The following ITPRID1 variants were observed in gnomAD, a reference collection of about 807,000 sequenced individuals.
ITPRID1 encodes protein ITPRID1.
Under a neutral mutation model 95.4 loss-of-function variants are expected in ITPRID1, and 96 were observed. The ratio of observed to expected loss-of-function variants is 1.01; its 90% CI spans 0.85 to 1.19. The LOEUF (loss-of-function observed/expected upper bound fraction) is 1.19, where lower values mean the gene tolerates loss of function less well. Ranked by LOEUF, ITPRID1 falls within the 50% of genes most tolerant of loss-of-function variation. The pLI, the probability that ITPRID1 is intolerant of heterozygous loss-of-function variation, is 0.00. For missense variants in ITPRID1, 1,339 were observed against 1,252.9 expected, an observed-to-expected ratio of 1.07 and a Z score of -1.04; for synonymous variants, 510 against 453.6, an observed-to-expected ratio of 1.12 and a Z score of -1.58.
downstream of ITPRID1, chr7:31,656,596 G>C: frequency 1.9e-3 from 845 of 450,846 alleles, no homozygotes; most frequent in Non-Finnish European, 2.3e-3. Flanking sequence ...ATGAGATGAG[G>C]ATAAATTATC....
intron 5 of ITPRID1, among the ~76,000 whole-genome samples, chr7:31,568,101 G>C (rs1023395096): frequency 4.0e-5 from 6 of 149,754 alleles, no homozygotes; most frequent in African/African-American, 1.5e-4. Flanking sequence ...ACTCCAGGCT[G>C]GGTGACAGAG....
chr7:31,640,342 G>A (rs1039701978), intron 10 of ITPRID1, among the ~76,000 whole-genome samples: 7 of 152,134 alleles, frequency 4.6e-5, no homozygotes, highest in Non-Finnish European at 7.3e-5. Context: ...TCACATGCAT[G>A]AGCTCATCAG....
chr7:31,642,428 G>T (rs1046699560), intron 11 of ITPRID1, among the ~76,000 whole-genome samples, 170 bp downstream of exon 11: 2 of 152,162 alleles, frequency 1.3e-5, no homozygotes, highest in African/African-American at 4.8e-5. Flanking sequence ...GCACCCAAGG[G>T]GCAGAGGATG....
In ITPRID1 at chr7:31,595,345, T is replaced by TACACACAC. The variant is rs58632355; in HGVS notation, c.1228+12175_1228+12182dup. Among the ~76,000 whole-genome samples the TACACACAC allele has an allele frequency of 7.7e-4, 114 of 147,148 alleles. 2 individuals carry two copies. Among genetic ancestry groups the TACACACAC allele is most frequent in the Admixed American group, 3.8e-3 (56 of 14,768 alleles). On this transcript the variant is annotated intron_variant, in intron 10 of 14. Coordinates refer to ENST00000615280, the MANE Select transcript of ITPRID1 (RefSeq NM_001257967.3). ...CAGGTGTGAGCCACCATGCCCGGCC[T>TACACACAC]ACACACACACACACACACACACACA...
intron 10 of ITPRID1, among the ~76,000 whole-genome samples, chr7:31,611,825 T>G (rs910511956): frequency 6.6e-6 from 1 of 151,988 alleles, no homozygotes; most frequent in Non-Finnish European, 1.5e-5. Context: ...TGTGTCTGAG[T>G]GTGTATTTCT....
At chr7:31,650,438 A>T (rs1790846592) in intron 12 of ITPRID1, among the ~76,000 whole-genome samples, 1 of 152,146 alleles carries the variant, frequency 6.6e-6, no homozygotes, top group African/African-American at 2.4e-5. Context: ...AAATGAGAAA[A>T]CCAAGGCAAA....
At chr7:31,647,673 C>CAAAAAAA (rs11345351) in intron 12 of ITPRID1, among the ~76,000 whole-genome samples, 1 of 69,340 alleles carries the variant, frequency 1.4e-5, no homozygotes, top group East Asian at 4.8e-4. Context: ...GTCTCCGTCT[C>CAAAAAAA]AAAAAAAAAA....
downstream of ITPRID1, among the ~76,000 whole-genome samples, chr7:31,657,135 TA>T (rs1791343790): frequency 6.7e-6 from 1 of 149,280 alleles, no homozygotes; most frequent in South Asian, 2.1e-4. Flanking sequence ...ATCAAATATA[TA>T]TAATCATATA....
intron 8 of ITPRID1, among the ~76,000 whole-genome samples, chr7:31,575,860 T>C (rs1013405322): frequency 1.3e-5 from 2 of 148,810 alleles, no homozygotes; most frequent in African/African-American, 5.0e-5. Context: ...GTAGGTAAAA[T>C]GGGTCTCAAA....
intron 1 of ITPRID1, among the ~76,000 whole-genome samples, chr7:31,547,967 G>A (rs1430142403): frequency 1.3e-5 from 2 of 152,116 alleles, no homozygotes; most frequent in Non-Finnish European, 2.9e-5. Context: ...AACTAAGGTA[G>A]GAGTTGGAGA....
At chr7:31,538,853 A>G (rs1783842457) in intron 1 of ITPRID1, among the ~76,000 whole-genome samples, 1 of 152,202 alleles carries the variant, frequency 6.6e-6, no homozygotes, top group Non-Finnish European at 1.5e-5. Flanking sequence ...TCTTGAAGAA[A>G]CATTTTGAGG....
downstream of ITPRID1, chr7:31,658,292 TG>T: frequency 6.7e-7 from 1 of 1,502,112 alleles, no homozygotes; most frequent in South Asian, 1.3e-5. Context: ...TCTGCAGAGC[TG>T]GATCCCTTTT....
At chr7:31,621,729 A>T (rs1198035327) in intron 10 of ITPRID1, among the ~76,000 whole-genome samples, 1 of 146,998 alleles carries the variant, frequency 6.8e-6, no homozygotes, top group Non-Finnish European at 1.5e-5. Context: ...TAACATCATA[A>T]TGACAGGATC....
chr7:31,654,376 C>T lies in ITPRID1; in HGVS notation c.*1547C>T, dbSNP rs527907415. ...AGGGAGGGGAAGGCTGAGAGGGGATCGGTCAGACTATAGGCCATGACCAAG... is the reference window on the plus strand; with the variant it reads ...AGGGAGGGGAAGGCTGAGAGGGGATTGGTCAGACTATAGGCCATGACCAAG... On this transcript the variant is annotated 3_prime_UTR_variant, in exon 15 of 15. Coordinates refer to ENST00000615280, the MANE Select transcript of ITPRID1 (RefSeq NM_001257967.3). Among the ~76,000 whole-genome samples the T allele has an allele frequency of 2.6e-5, 4 of 152,264 alleles. No individual in the cohort carries two copies. The South Asian group carries it at 6.2e-4, about 24-fold the overall frequency.
intron 10 of ITPRID1, among the ~76,000 whole-genome samples, chr7:31,618,647 A>G (rs900862742): frequency 7.1e-6 from 1 of 140,278 alleles, no homozygotes; most frequent in African/African-American, 3.2e-5. Context: ...GTCACAATGT[A>G]GAAACCCATA....
At chr7:31,627,245 A>G (rs972259750) in intron 10 of ITPRID1, among the ~76,000 whole-genome samples, 2 of 152,248 alleles carry the variant, frequency 1.3e-5, no homozygotes, top group Non-Finnish European at 2.9e-5. Flanking sequence ...TGAATAAGTG[A>G]GACTACATCA....
At chr7:31,583,858 C>T (rs1422764077) in intron 10 of ITPRID1, among the ~76,000 whole-genome samples, 2 of 152,136 alleles carry the variant, frequency 1.3e-5, no homozygotes, top group East Asian at 3.9e-4. Context: ...AGTGCACATG[C>T]TGTTTTCATT....
At chr7:31,595,648 T>C (rs564363956) in intron 10 of ITPRID1, among the ~76,000 whole-genome samples, 141 of 152,324 alleles carry the variant, frequency 9.3e-4, no homozygotes, top group Non-Finnish European at 1.6e-3. Flanking sequence ...GCACTGATTG[T>C]TTTTATTATC....
intron 10 of ITPRID1, among the ~76,000 whole-genome samples, chr7:31,607,779 A>C (rs1786689093): frequency 6.6e-6 from 1 of 151,424 alleles, no homozygotes. Context: ...CTCATGAATT[A>C]GTCCTCTTTC....
Sources: allele counts gnomAD v4.1 joint callset (sites outside exome capture counted in the v4.1 genomes callset), GRCh38; gene constraint gnomAD v4.1.1; transcripts MANE v1.5; gene names NCBI Gene and HGNC (gene_info 2026-07-23, HGNC 2026-07-21).